RPTOR: variants seen among roughly 807,000 people sequenced by gnomAD.
The protein encoded by RPTOR is regulatory associated protein of MTOR complex 1, also known as regulatory-associated protein of mTOR.
Under a neutral mutation model 169.9 loss-of-function variants are expected in RPTOR, and 21 were observed. The ratio of observed to expected loss-of-function variants is 0.12; its 90% CI spans 0.09 to 0.18. RPTOR has a LOEUF of 0.18. Among genes scored for constraint, RPTOR ranks in the 10% least tolerant of loss-of-function variants. RPTOR has a pLI of 1.00. For synonymous variants in RPTOR, 732 were observed against 753.2 expected, an observed-to-expected ratio of 0.97 and a Z score of 0.46; for missense variants, 1,133 against 1,855.9, an observed-to-expected ratio of 0.61 and a Z score of 7.16.
intron 31 of RPTOR, among the ~76,000 whole-genome samples, 191 bp from the exon 32 acceptor site, chr17:80,962,270 A>G (rs1297602013): frequency 2.6e-5 from 4 of 152,218 alleles, no homozygotes; most frequent in African/African-American, 9.7e-5. Flanking sequence ...CCCTGAGACC[A>G]GTATGGGTGC....
intron 1 of RPTOR, among the ~76,000 whole-genome samples, chr17:80,602,377 C>A (rs1567815080): frequency 2.3e-5 from 1 of 42,584 alleles, no homozygotes; most frequent in Non-Finnish European, 5.7e-5. Flanking sequence ...GGGGGGCTGA[C>A]CCCCCCACCT....
intron 11 of RPTOR, among the ~76,000 whole-genome samples, chr17:80,854,278 TATTTA>T (rs1448086013): frequency 1.3e-5 from 2 of 152,242 alleles, no homozygotes; most frequent in Non-Finnish European, 2.9e-5. Context: ...TTAAATTTAT[TATTTA>T]ATTTAATGAA....
rs2067181784 is a variant in RPTOR at position 80,803,301 on chromosome 17, A to T, written c.890+11792A>T. The stretch of plus-strand genomic sequence containing the variant: ...AAACTTCTGGAAACCGAGGCAAGGG[A>T]GGTGGAGAGACTTGCTCAGGGTCAC... On this transcript the variant is annotated intron_variant, in intron 7 of 33. Coordinates refer to ENST00000306801, the MANE Select transcript of RPTOR (RefSeq NM_020761.3). The surrounding 1 kb of genome is among the most constrained non-coding windows in gnomAD (Gnocchi z 6.2). 1 of 152,174 alleles carries T rather than the reference A, an allele frequency of 6.6e-6. No homozygotes were observed. The highest frequency in any genetic ancestry group is 2.1e-4 in the South Asian group (1 of 4,824). 9.4% of individuals were successfully genotyped at this position (152,174 alleles called of 1,614,324 possible).
rs2068780196 is a variant in RPTOR, at chr17:80,923,922, AGGAGCACTGCT to A, written c.2808+252_2808+262del. ...CCCGGTCCCTCTGCCTGCACTCTTT[AGGAGCACTGCT>A]GGGTGTGTCCCGGTTCTCCGCCCCT... On this transcript the variant is annotated intron_variant, in intron 23 of 33. Coordinates refer to ENST00000306801, the MANE Select transcript of RPTOR (RefSeq NM_020761.3). 9 of 522,644 alleles carry A rather than the reference AGGAGCACTGCT, an allele frequency of 1.7e-5. No individual in the cohort carries two copies. The Admixed American group carries it at 2.2e-4, about 13-fold the overall frequency. The allele number at this position is 522,644 out of a possible 1,614,324, so 32.4% of individuals were successfully genotyped here.
intron 1 of RPTOR, among the ~76,000 whole-genome samples, chr17:80,589,342 C>A (rs2065086365): frequency 6.6e-6 from 1 of 152,082 alleles, no homozygotes; most frequent in South Asian, 2.1e-4. Flanking sequence ...CTCTGTGTGC[C>A]AGCTTCACAC....
chr17:80,880,522 T>G (rs2068175034), intron 14 of RPTOR, 33 bp downstream of exon 14: 1 of 1,601,980 alleles, frequency 6.2e-7, no homozygotes, highest in East Asian at 2.2e-5. Context: ...TCCACGGGCT[T>G]GGGACTCAGC....
chr17:80,921,938 G>A (rs942626102), intron 21 of RPTOR, among the ~76,000 whole-genome samples: 9 of 152,212 alleles, frequency 5.9e-5, no homozygotes, highest in Non-Finnish European at 7.4e-5. Context: ...CCGTGGGAAA[G>A]GATGACCACA....
chr17:80,864,669 C>T (rs1409516768), intron 13 of RPTOR, among the ~76,000 whole-genome samples: 1 of 152,200 alleles, frequency 6.6e-6, no homozygotes, highest in Non-Finnish European at 1.5e-5. Flanking sequence ...GGAGAATACT[C>T]TTCAGAGGGA....
intron 10 of RPTOR, among the ~76,000 whole-genome samples, chr17:80,839,019 AG>A (rs2143678232): frequency 6.6e-6 from 1 of 152,368 alleles, no homozygotes; most frequent in African/African-American, 2.4e-5. Context: ...CCTCCAGCCC[AG>A]GGCAGGGGCA....
chr17:80,875,776 T>C (rs11658595), intron 13 of RPTOR, among the ~76,000 whole-genome samples: 23,811 of 105,162 alleles, frequency 0.23, 50 homozygotes, highest in East Asian at 0.35. Context: ...ACACCGAGCC[T>C]GTGCCACGCA....
intron 4 of RPTOR, among the ~76,000 whole-genome samples, chr17:80,720,905 G>A (rs1044129390): frequency 6.6e-6 from 1 of 151,148 alleles, no homozygotes; most frequent in Non-Finnish European, 1.5e-5. Flanking sequence ...TATGGACAGT[G>A]TGGTGTGAGA....
At chr17:80,714,258 C>G (rs1247718866) in intron 4 of RPTOR, among the ~76,000 whole-genome samples, 7 of 152,140 alleles carry the variant, frequency 4.6e-5, no homozygotes, top group Admixed American at 1.3e-4. Flanking sequence ...TAAAAACTTT[C>G]TTATTGAGAA....
At chr17:80,712,110 A>G (rs2066199069) in intron 4 of RPTOR, among the ~76,000 whole-genome samples, 1 of 152,118 alleles carries the variant, frequency 6.6e-6, no homozygotes, top group Admixed American at 6.5e-5. Context: ...AAAATTGAGC[A>G]AGTTTATTGA....
At chr17:80,934,147 G>C (rs1272346278) in intron 24 of RPTOR, among the ~76,000 whole-genome samples, 1 of 151,360 alleles carries the variant, frequency 6.6e-6, no homozygotes, top group Admixed American at 6.6e-5. Context: ...AGGAAATGAA[G>C]TTTTCTTGCT....
chr17:80,728,329 ATCAG>A (rs1272525130), intron 4 of RPTOR, among the ~76,000 whole-genome samples: 1 of 152,128 alleles, frequency 6.6e-6, no homozygotes, highest in African/African-American at 2.4e-5. Flanking sequence ...ATCTTACTGT[ATCAG>A]TCAGTCTCAA....
At chr17:80,884,555 G>T (rs369994216) in intron 16 of RPTOR, among the ~76,000 whole-genome samples, 1 of 152,188 alleles carries the variant, frequency 6.6e-6, no homozygotes, top group Non-Finnish European at 1.5e-5. Flanking sequence ...CAGGGTCCCC[G>T]GACCCCAGGG....
At position 80,883,429 on chromosome 17, in the gene RPTOR, G is replaced by A. The variant is rs771456961; in HGVS notation, c.1595G>A (p.Arg532Gln). ...LADPYMPAEH[R>Q]TMTAFILAVI... ...GTTTTTGTTTTCCAGGCTGAACACC[G>A]GACCATGACGGCTTTCATTCTCGCC... is the stretch of plus-strand genomic sequence containing the variant. Residue 532 changes from arginine (R) to glutamine (Q), a missense_variant, in exon 15 of 34, where the codon CGG (arginine) becomes CAG (glutamine). Around this residue, in one of 9 missense-constraint regions of RPTOR, gnomAD observed 289 missense variants for 585.8 expected, o/e 0.49. Transcript: ENST00000306801. 128 of 1,614,002 alleles carry A rather than the reference G, an allele frequency of 7.9e-5. No individual in the cohort carries two copies. Among genetic ancestry groups the A allele is most frequent in the African/African-American group, 2.7e-5 (2 of 74,928 alleles).
At chr17:80,809,459 G>A (rs1179144510) in intron 7 of RPTOR, among the ~76,000 whole-genome samples, 1 of 152,192 alleles carries the variant, frequency 6.6e-6, no homozygotes, top group Non-Finnish European at 1.5e-5. Context: ...CCCAAGTGCC[G>A]GGATTACAGG....
chr17:80,883,302 T>A (rs1221093008), intron 14 of RPTOR, 117 bp from the exon 15 acceptor site: 2 of 894,492 alleles, frequency 2.2e-6, no homozygotes, highest in East Asian at 4.9e-5. Flanking sequence ...CTGGCTCTCG[T>A]TACTTTAATT....
Sources: allele counts gnomAD v4.1 joint callset (sites outside exome capture counted in the v4.1 genomes callset), GRCh38; gene constraint gnomAD v4.1.1; regional missense constraint gnomAD v4.1.1; non-coding constraint Gnocchi (gnomAD v3.1); transcripts MANE v1.5; gene names NCBI Gene and HGNC (gene_info 2026-07-23, HGNC 2026-07-21).